The following ROCK1 variants were observed in gnomAD, a reference collection of about 807,000 sequenced individuals.
ROCK1 encodes Rho associated coiled-coil containing protein kinase 1, also known as rho-associated protein kinase 1.
ROCK1 carries 36 observed loss-of-function variants against 196.8 expected under a neutral mutation model. The observed-to-expected ratio is 0.18, with a 90% confidence interval of 0.14 to 0.24. The LOEUF is 0.24. Among genes scored for constraint, ROCK1 ranks in the 10% least tolerant of loss-of-function variants. The pLI is 1.00. For synonymous variants in ROCK1, 443 were observed against 515.9 expected, an observed-to-expected ratio of 0.86 and a Z score of 1.91; for missense variants, 920 against 1,562.0, an observed-to-expected ratio of 0.59 and a Z score of 6.93.
intron 11 of ROCK1, among the ~76,000 whole-genome samples, chr18:21,021,874 AC>A (rs971807540): frequency 4.6e-5 from 7 of 152,164 alleles, no homozygotes; most frequent in Admixed American, 4.6e-4. Flanking sequence ...CCTTATTATT[AC>A]GTAGGTCAAA....
intron 16 of ROCK1, among the ~76,000 whole-genome samples, chr18:21,003,580 T>C (rs73959770): frequency 0.012 from 1,844 of 152,278 alleles, 45 homozygotes; most frequent in African/African-American, 0.041. Context: ...AAGGACAATG[T>C]GGTGCCTGAT....
chr18:21,045,477 T>C lies in ROCK1; in HGVS notation c.415-10A>G, dbSNP rs201863440. 6.4e-6 allele frequency: 10 copies of C among 1,561,236 alleles called. No individual in the cohort carries two copies. The Admixed American group carries it at 1.2e-4, about 19-fold the overall frequency. On this transcript the variant is annotated splice_polypyrimidine_tract_variant and intron_variant, in intron 4 of 32. Coordinates refer to ENST00000399799, the MANE Select transcript of ROCK1 (RefSeq NM_005406.3). ...GGAATGCATAAAAAAGCTATACAAA[T>C]AGAAAAAACAAACAAAACACATTCA... is the stretch of plus-strand genomic sequence containing the variant.
intron 1 of ROCK1, among the ~76,000 whole-genome samples, chr18:21,077,949 C>G (rs538340703): frequency 1.3e-5 from 2 of 152,290 alleles, no homozygotes; most frequent in Non-Finnish European, 2.9e-5. Context: ...TAATCACTCA[C>G]AGTAAGGAAT....
intron 13 of ROCK1, 25 bp downstream of exon 13, chr18:21,015,406 A>C: frequency 6.8e-7 from 1 of 1,465,540 alleles, no homozygotes; most frequent in South Asian, 1.2e-5. Context: ...TCAAAAAGGA[A>C]ACTTGATTAG....
chr18:21,087,669 C>T (rs994339902), intron 1 of ROCK1, among the ~76,000 whole-genome samples: 9 of 151,760 alleles, frequency 5.9e-5, no homozygotes, highest in East Asian at 3.9e-4. Flanking sequence ...AACTGCAACA[C>T]AAGTGAAGCA....
At chr18:21,052,100 C>T (rs2036208335) in intron 2 of ROCK1, among the ~76,000 whole-genome samples, 1 of 152,170 alleles carries the variant, frequency 6.6e-6, no homozygotes, top group African/African-American at 2.4e-5. Context: ...GCTGTAGAGT[C>T]TTGACAAAGA....
intron 18 of ROCK1, among the ~76,000 whole-genome samples, chr18:20,990,019 GATCCCTTGAGC>G (rs971575717): frequency 5.3e-5 from 8 of 151,798 alleles, no homozygotes; most frequent in Non-Finnish European, 8.8e-5. Flanking sequence ...GAGGTGGAAG[GATCCCTTGAGC>G]CCAGGAGCTC....
At chr18:20,957,011 T>C (rs1376686918) in intron 29 of ROCK1, among the ~76,000 whole-genome samples, 1 of 152,166 alleles carries the variant, frequency 6.6e-6, no homozygotes, top group African/African-American at 2.4e-5. Context: ...AAGGTTGATA[T>C]CACCAAATGT....
Position 20,970,399 on chromosome 18 carries a change from A to G in ROCK1, c.2769T>C (p.Ala923=). 1 of 1,613,994 alleles carries G rather than the reference A, an allele frequency of 6.2e-7. No individual in the cohort carries two copies. Reference sequence around the variant, plus strand: ...TAATCTCTTGTCTATTTCTTGAAGCAGCTTTCTTGCTTTCTTGCGTCAATT... The same window carrying G: ...TAATCTCTTGTCTATTTCTTGAAGCGGCTTTCTTGCTTTCTTGCGTCAATT... The part of the protein sequence containing the change: ...YFELTQESKK[A]ASRNRQEITD... Residue 923 remains alanine, a synonymous_variant, in exon 23 of 33, where the codon GCT becomes GCC. Coordinates refer to ENST00000399799, the MANE Select transcript of ROCK1 (RefSeq NM_005406.3).
chr18:21,087,656 C>T (rs571417851), intron 1 of ROCK1, among the ~76,000 whole-genome samples: 1 of 151,890 alleles, frequency 6.6e-6, no homozygotes, highest in Non-Finnish European at 1.5e-5. Flanking sequence ...CTCAGAACAA[C>T]AGAACTGCAA....
chr18:21,060,722 C>A (rs1181867553), intron 2 of ROCK1, among the ~76,000 whole-genome samples: 1 of 151,602 alleles, frequency 6.6e-6, no homozygotes, highest in African/African-American at 2.4e-5. Flanking sequence ...GCCTGTAATC[C>A]CATCTACTAG....
chr18:21,046,764 C>T (rs1180154929), intron 4 of ROCK1, among the ~76,000 whole-genome samples: 1 of 151,882 alleles, frequency 6.6e-6, no homozygotes, highest in South Asian at 2.1e-4. Flanking sequence ...TCTAATTTAC[C>T]CAGATGTTTG....
In ROCK1 at chr18:21,092,430, C is replaced by G. The variant is rs546800963; in HGVS notation, c.93+18388G>C. Among the ~76,000 whole-genome samples, 28 of 151,826 alleles carry G rather than the reference C, an allele frequency of 1.8e-4. 1 individual carries two copies. The South Asian group carries it at 5.6e-3, about 30-fold the overall frequency. ...AGACTTCATCTGTACTAAAATGCAACAAAGTTAGCCAGCTGTGATGGCACA... is the reference window on the plus strand; with the variant it reads ...AGACTTCATCTGTACTAAAATGCAAGAAAGTTAGCCAGCTGTGATGGCACA... On this transcript the variant is annotated intron_variant, in intron 1 of 32. Coordinates refer to ENST00000399799, the MANE Select transcript of ROCK1 (RefSeq NM_005406.3).
At chr18:21,012,311 G>C (rs2035826058) in intron 13 of ROCK1, among the ~76,000 whole-genome samples, 1 of 152,148 alleles carries the variant, frequency 6.6e-6, no homozygotes, top group African/African-American at 2.4e-5. Context: ...AATTCCTTTA[G>C]GGAAGGTGTG....
intron 17 of ROCK1, 113 bp downstream of exon 17, chr18:20,992,718 A>G (rs1413393979): frequency 1.4e-5 from 9 of 623,806 alleles, no homozygotes; most frequent in Admixed American, 9.6e-5. Context: ...AAACTTTTAG[A>G]AATGTAACTA....
At chr18:20,970,071 T>C (rs957193756) in intron 23 of ROCK1, 4 of 244,510 alleles carry the variant, frequency 1.6e-5, no homozygotes, top group African/African-American at 8.9e-5. Context: ...TTACTTCATA[T>C]GAAATATAAC....
intron 13 of ROCK1, among the ~76,000 whole-genome samples, chr18:21,011,299 A>G (rs1321687215): frequency 6.6e-6 from 1 of 151,992 alleles, no homozygotes; most frequent in Non-Finnish European, 1.5e-5. Context: ...TGATTTAACT[A>G]TGGTGTTTTT....
rs539853854 is a variant in ROCK1, at chr18:21,029,284, C to T, written c.1052-349G>A. Among the ~76,000 whole-genome samples the T allele has an allele frequency of 3.3e-5, 5 of 152,170 alleles. No homozygotes were observed. The East Asian group carries it at 9.6e-4, about 29-fold the overall frequency. ...GACTACAGAAAAGACTTTTTAGAAA[C>T]TAAAGCATAACAAACTGTACTCGAA... On this transcript the variant is annotated intron_variant, in intron 9 of 32. Transcript: ENST00000399799.
rs560387594 is a variant in ROCK1, at chr18:21,037,716, G to A, written c.1051+1756C>T. Among the ~76,000 whole-genome samples the A allele has an allele frequency of 3.3e-5, 5 of 152,228 alleles. No individual in the cohort carries two copies. In the East Asian group the frequency reaches 9.7e-4, roughly 29 times the overall value. On this transcript the variant is annotated intron_variant, in intron 9 of 32. Transcript: ENST00000399799. ...TAATGCAGATCTTAAGTAGTTTTAT[G>A]AAGGAGGTACAGCAATATAATAAAA...
Sources: allele counts gnomAD v4.1 joint callset (sites outside exome capture counted in the v4.1 genomes callset), GRCh38; gene constraint gnomAD v4.1.1; transcripts MANE v1.5; gene names NCBI Gene and HGNC (gene_info 2026-07-23, HGNC 2026-07-21).